TJP1: variants seen among roughly 807,000 people sequenced by gnomAD.
TJP1 encodes the protein tight junction protein ZO-1.
A neutral mutation model predicts 194.2 loss-of-function variants in TJP1; 43 were observed. The observed-to-expected ratio is 0.22, with a 90% confidence interval of 0.17 to 0.29. The LOEUF (loss-of-function observed/expected upper bound fraction) is 0.29. TJP1 is among the 10% of genes least tolerant of loss of function. The probability of loss-of-function intolerance (pLI) is 1.00; values close to 1 mark genes in which losing one functional copy is unlikely to be tolerated. For synonymous variants in TJP1, 801 were observed against 779.0 expected (o/e 1.03, Z -0.47); for missense variants, 1,971 against 2,185.7 (o/e 0.90, Z 1.96).
At position 29,803,884 on chromosome 15, in the gene TJP1, G is replaced by A. The variant is rs77526582; in HGVS notation, c.28-3182C>T. On this transcript the variant is annotated intron_variant, in intron 1 of 27. Coordinates refer to ENST00000614355, the MANE Select transcript of TJP1 (RefSeq NM_001330239.4). ...ACTTCTCTGTTAAACATCAATTATA[G>A]CTTGATTTATCTGAAGGAAGACCTA... is the stretch of plus-strand genomic sequence containing the variant. Among the ~76,000 whole-genome samples the A allele has an allele frequency of 4.8e-3, 728 of 152,074 alleles. 30 individuals are homozygous for A. In the East Asian group the frequency reaches 0.097, roughly 20 times the overall value.
chr15:29,788,744 A>G (rs1274701025), intron 2 of TJP1, among the ~76,000 whole-genome samples: 2 of 152,242 alleles, frequency 1.3e-5, no homozygotes, highest in Non-Finnish European at 2.9e-5. Context: ...TCTATTTTAG[A>G]AAATGAAAAA....
chr15:29,809,417 T>C (rs925115921), intron 1 of TJP1, among the ~76,000 whole-genome samples: 1 of 152,110 alleles, frequency 6.6e-6, no homozygotes, highest in African/African-American at 2.4e-5. Flanking sequence ...ATCCTGTTTC[T>C]CAACCAATAA....
intron 8 of TJP1, among the ~76,000 whole-genome samples, chr15:29,751,997 A>T (rs2045314564): frequency 6.6e-6 from 1 of 152,008 alleles, no homozygotes; most frequent in African/African-American, 2.4e-5. Flanking sequence ...TGATCATGGC[A>T]CACTGCAGCC....
intron 2 of TJP1, among the ~76,000 whole-genome samples, chr15:29,940,361 T>C (rs939195473): frequency 1.3e-5 from 2 of 152,168 alleles, no homozygotes; most frequent in African/African-American, 2.4e-5. Flanking sequence ...TCACGAAACA[T>C]TAGCTACTAC....
At chr15:29,819,057 A>C (rs962971848) in intron 1 of TJP1, among the ~76,000 whole-genome samples, 1 of 152,126 alleles carries the variant, frequency 6.6e-6, no homozygotes, top group East Asian at 1.9e-4. Context: ...ACCTCAAGTG[A>C]CCCACCCGCC....
intron 2 of TJP1, 186 bp downstream of exon 2, chr15:29,800,460 T>C (rs542155266): frequency 3.4e-6 from 2 of 595,558 alleles, no homozygotes; most frequent in Admixed American, 3.3e-5. Flanking sequence ...AAAGGATATA[T>C]GAAAAAGTAA....
chr15:29,859,886 C>T (rs917135793), intron 2 of TJP1, among the ~76,000 whole-genome samples: 3 of 151,998 alleles, frequency 2.0e-5, no homozygotes, highest in Non-Finnish European at 1.5e-5. Context: ...TTTTAGGAAC[C>T]GGGATGTTTT....
chr15:29,800,506 T>C (rs2048711578), intron 2 of TJP1, 140 bp downstream of exon 2: 2 of 727,484 alleles, frequency 2.7e-6, no homozygotes. Context: ...AAAATTATTG[T>C]AACTCTAATT....
At chr15:29,721,499 C>T (rs1411955404) in intron 18 of TJP1, among the ~76,000 whole-genome samples, 1 of 152,122 alleles carries the variant, frequency 6.6e-6, no homozygotes, top group African/African-American at 2.4e-5. Context: ...AACTGTGAGC[C>T]AATGAAACCT....
chr15:29,961,068 C>T (rs1200626019), intron 1 of TJP1, among the ~76,000 whole-genome samples: 1 of 152,126 alleles, frequency 6.6e-6, no homozygotes, highest in African/African-American at 2.4e-5. Flanking sequence ...AAGAACACAG[C>T]TGCGTACCTG....
At chr15:29,782,771 T>C (rs999041677) in intron 2 of TJP1, among the ~76,000 whole-genome samples, 1 of 150,364 alleles carries the variant, frequency 6.7e-6, no homozygotes, top group East Asian at 2.0e-4. Context: ...CTACAGAATA[T>C]GAGAAAACAT....
At chr15:29,699,784 C>T (rs1166514132), downstream of TJP1, 2 of 152,966 alleles carry the variant, frequency 1.3e-5, no homozygotes, top group African/African-American at 2.4e-5. Context: ...AAACAATGCC[C>T]GTGCTATTTA....
chr15:29,779,881 G>T (rs978907929), intron 2 of TJP1, among the ~76,000 whole-genome samples: 1 of 151,912 alleles, frequency 6.6e-6, no homozygotes, highest in Non-Finnish European at 1.5e-5. Context: ...AAAATGCAAC[G>T]AGGAGGGGAT....
chr15:29,829,935 A>G (rs2050785823), intron 2 of TJP1, among the ~76,000 whole-genome samples: 1 of 152,074 alleles, frequency 6.6e-6, no homozygotes, highest in South Asian at 2.1e-4. Context: ...GACAGAGGGC[A>G]GCAATGATAT....
At chr15:29,927,751 G>A (rs2152264850) in intron 2 of TJP1, among the ~76,000 whole-genome samples, 1 of 152,228 alleles carries the variant, frequency 6.6e-6, no homozygotes, top group South Asian at 2.1e-4. Flanking sequence ...GCATCGCTGA[G>A]CAACAAGGAC....
At chr15:29,796,781 G>A (rs1216864509) in intron 2 of TJP1, among the ~76,000 whole-genome samples, 2 of 152,140 alleles carry the variant, frequency 1.3e-5, no homozygotes, top group Non-Finnish European at 2.9e-5. Flanking sequence ...TTAATATAAA[G>A]CTACAGTAAT....
chr15:29,838,727 C>T (rs2051120412), intron 2 of TJP1, among the ~76,000 whole-genome samples: 1 of 152,074 alleles, frequency 6.6e-6, no homozygotes, highest in Non-Finnish European at 1.5e-5. Flanking sequence ...ACTATGCCTT[C>T]ACCACAAGAC....
intron 22 of TJP1, 131 bp downstream of exon 22, chr15:29,717,890 G>C: frequency 1.4e-6 from 1 of 713,966 alleles, no homozygotes; most frequent in Non-Finnish European, 2.3e-6. Flanking sequence ...AGAGCTGATA[G>C]TTTTTATTTA....
intron 1 of TJP1, among the ~76,000 whole-genome samples, chr15:29,817,305 T>A (rs1013009711): frequency 1.3e-5 from 2 of 152,170 alleles, no homozygotes; most frequent in Non-Finnish European, 2.9e-5. Flanking sequence ...CCCGTCAGAA[T>A]GGTGATTATT....
Sources: allele counts gnomAD v4.1 joint callset (sites outside exome capture counted in the v4.1 genomes callset), GRCh38; gene constraint gnomAD v4.1.1; transcripts MANE v1.5; gene names NCBI Gene and HGNC (gene_info 2026-07-23, HGNC 2026-07-21).